KCNT2: variants seen among roughly 807,000 people sequenced by gnomAD.
KCNT2 encodes the protein potassium channel subfamily T member 2.
Under a neutral mutation model 153.8 loss-of-function variants are expected in KCNT2, and 67 were observed. The ratio of observed to expected loss-of-function variants is 0.44; its 90% CI spans 0.36 to 0.53. The LOEUF (loss-of-function observed/expected upper bound fraction) is 0.53, where lower values mean the gene tolerates loss of function less well. KCNT2 is among the 20% of genes least tolerant of loss of function. KCNT2 has a pLI of 0.00. For synonymous variants in KCNT2, 500 were observed against 458.8 expected (o/e 1.09, Z -1.15); for missense variants, 975 against 1,354.8 (o/e 0.72, Z 4.40).
chr1:196,363,737 G>C (rs1667814675), intron 14 of KCNT2, among the ~76,000 whole-genome samples: 1 of 152,012 alleles, frequency 6.6e-6, no homozygotes, highest in Non-Finnish European at 1.5e-5. Flanking sequence ...CTGAATTTTG[G>C]ACTCCCCAAG....
intron 1 of KCNT2, among the ~76,000 whole-genome samples, chr1:196,529,485 T>G (rs1654667363): frequency 6.6e-6 from 1 of 152,164 alleles, no homozygotes; most frequent in Non-Finnish European, 1.5e-5. Flanking sequence ...CATTATGATC[T>G]TCTGCTCAGA....
intron 4 of KCNT2, among the ~76,000 whole-genome samples, 199 bp from the exon 5 acceptor site, chr1:196,479,437 T>C (rs563002194): frequency 6.6e-6 from 1 of 152,322 alleles, no homozygotes; most frequent in South Asian, 2.1e-4. Context: ...CTGTACTACA[T>C]CTTAGTTTTC....
At chr1:196,479,048 G>A in intron 5 of KCNT2, 131 bp downstream of exon 5, 1 of 637,032 alleles carries the variant, frequency 1.6e-6, no homozygotes, top group East Asian at 3.0e-5. Context: ...TCAGCTACTG[G>A]AGCGGCTCAA....
intron 1 of KCNT2, among the ~76,000 whole-genome samples, chr1:196,521,999 T>C (rs188805243): frequency 6.6e-6 from 1 of 151,344 alleles, no homozygotes; most frequent in East Asian, 1.9e-4. Context: ...ATGTCAGGAA[T>C]TCATAAATAG....
chr1:196,458,610 GCTT>G (rs1026966264), intron 8 of KCNT2, among the ~76,000 whole-genome samples: 4 of 151,784 alleles, frequency 2.6e-5, no homozygotes, highest in Non-Finnish European at 5.9e-5. Context: ...TTTATTCTGT[GCTT>G]CTTAAAATGC....
chr1:196,257,986 A>T (rs547737954), intron 26 of KCNT2: 1 of 1,376,238 alleles, frequency 7.3e-7, no homozygotes. Context: ...CACAGTACCT[A>T]GCAGACTCAG....
At chr1:196,261,159 G>C (rs969323916) in intron 25 of KCNT2, among the ~76,000 whole-genome samples, 2 of 151,824 alleles carry the variant, frequency 1.3e-5, no homozygotes, top group Non-Finnish European at 2.9e-5. Context: ...AGTGGAAATA[G>C]TATAGTGCTG....
At chr1:196,409,267 G>T (rs1472333809) in intron 12 of KCNT2, among the ~76,000 whole-genome samples, 1 of 150,262 alleles carries the variant, frequency 6.7e-6, no homozygotes, top group African/African-American at 2.4e-5. Flanking sequence ...CCCTTTTATT[G>T]CCGCCTTTTG....
In KCNT2 at chr1:196,279,009, C is replaced by A. The variant is rs942593910; in HGVS notation, c.2910+1851G>T. Among the ~76,000 whole-genome samples, 4 of 152,216 alleles carry A rather than the reference C, an allele frequency of 2.6e-5. No individual in the cohort carries two copies. In the East Asian group the frequency reaches 7.8e-4, roughly 30 times the overall value. ...AGTGAGAAGATGCCTATCTGAGAAC[C>A]AGGAAGCAGGTCGGCAACAGACACG... On this transcript the variant is annotated intron_variant, in intron 25 of 27. Coordinates refer to ENST00000294725, the MANE Select transcript of KCNT2 (RefSeq NM_198503.5).
At chr1:196,245,914 G>C (rs564406408) in intron 26 of KCNT2, among the ~76,000 whole-genome samples, 9 of 152,222 alleles carry the variant, frequency 5.9e-5, no homozygotes, top group African/African-American at 2.2e-4. Context: ...TGAAAGATAG[G>C]CTTAGAAAGT....
At chr1:196,445,349 G>T (rs1172976764) in intron 8 of KCNT2, among the ~76,000 whole-genome samples, 1 of 151,344 alleles carries the variant, frequency 6.6e-6, no homozygotes, top group Admixed American at 6.6e-5. Context: ...GCTAGCTGCT[G>T]CCAGATAACA....
At chr1:196,279,458 T>G (rs1255296377) in intron 25 of KCNT2, among the ~76,000 whole-genome samples, 1 of 152,088 alleles carries the variant, frequency 6.6e-6, no homozygotes, top group African/African-American at 2.4e-5. Context: ...AGTCTCGCTC[T>G]GTCACCCAGG....
intron 14 of KCNT2, among the ~76,000 whole-genome samples, chr1:196,347,933 T>A (rs1364994995): frequency 6.6e-6 from 1 of 152,160 alleles, no homozygotes; most frequent in Non-Finnish European, 1.5e-5. Context: ...GTTAATTAAT[T>A]CTTAATATCT....
intron 26 of KCNT2, among the ~76,000 whole-genome samples, chr1:196,236,560 C>T (rs933552843): frequency 6.6e-6 from 1 of 151,436 alleles, no homozygotes; most frequent in African/African-American, 2.4e-5. Context: ...ATGTGTTTGG[C>T]TTCACTACAT....
chr1:196,487,722 G>A (rs938087905), intron 3 of KCNT2, among the ~76,000 whole-genome samples: 1 of 151,884 alleles, frequency 6.6e-6, no homozygotes, highest in Non-Finnish European at 1.5e-5. Context: ...GTTACCCTGA[G>A]GAAGAAATCG....
chr1:196,427,773 T>A, intron 10 of KCNT2, among the ~76,000 whole-genome samples: 1 of 152,094 alleles, frequency 6.6e-6, no homozygotes, highest in Middle Eastern at 3.2e-3. Context: ...ATATTTTATC[T>A]TAAAATTCAC....
chr1:196,471,340 A>C (rs1678093587), intron 5 of KCNT2, among the ~76,000 whole-genome samples: 1 of 152,158 alleles, frequency 6.6e-6, no homozygotes, highest in Non-Finnish European at 1.5e-5. Flanking sequence ...AAGTGTAGAA[A>C]GAGTGGTCTT....
At chr1:196,524,114 ATG>A (rs966830442) in intron 1 of KCNT2, among the ~76,000 whole-genome samples, 3 of 151,140 alleles carry the variant, frequency 2.0e-5, no homozygotes, top group Non-Finnish European at 3.0e-5. Context: ...TTATATGAAA[ATG>A]TTGTAATCCT....
intron 4 of KCNT2, among the ~76,000 whole-genome samples, chr1:196,481,093 C>T (rs981420625): frequency 2.6e-5 from 4 of 151,872 alleles, no homozygotes; most frequent in African/African-American, 7.3e-5. Context: ...GATATTGCAA[C>T]AAAAGTCAGA....
Sources: allele counts gnomAD v4.1 joint callset (sites outside exome capture counted in the v4.1 genomes callset), GRCh38; gene constraint gnomAD v4.1.1; transcripts MANE v1.5; gene names NCBI Gene and HGNC (gene_info 2026-07-23, HGNC 2026-07-21).